ANKRD30BL: variants seen among roughly 807,000 people sequenced by gnomAD.
ANKRD30BL encodes the protein ankyrin repeat domain 30B like.
ANKRD30BL carries 20 observed loss-of-function variants against 18.4 expected under a neutral mutation model. The ratio of observed to expected loss-of-function variants is 1.09; its 90% CI spans 0.77 to 1.58. The LOEUF (loss-of-function observed/expected upper bound fraction) is 1.58, where lower values mean the gene tolerates loss of function less well. Among genes scored for constraint, ANKRD30BL ranks in the 40% most tolerant of loss-of-function variants. ANKRD30BL has a pLI of 0.00. For synonymous variants in ANKRD30BL, 72 were observed against 100.9 expected (o/e 0.71, Z 1.72); for missense variants, 224 against 268.6 (o/e 0.83, Z 1.16).
At chr2:132,232,701 A>G (rs995899541) in intron 1 of ANKRD30BL, among the ~76,000 whole-genome samples, 2 of 152,180 alleles carry the variant, frequency 1.3e-5, no homozygotes, top group African/African-American at 4.8e-5. Flanking sequence ...GACCAAATCT[A>G]CTTCTGATTG....
chr2:132,163,537 C>A (rs926894600), upstream of ANKRD30BL, among the ~76,000 whole-genome samples: 1 of 152,196 alleles, frequency 6.6e-6, no homozygotes, highest in Non-Finnish European at 1.5e-5. Context: ...AACAGAGACT[C>A]TCTCTCAAAA....
chr2:132,247,628 A>C (rs201329553), intron 1 of ANKRD30BL, among the ~76,000 whole-genome samples: 6 of 148,290 alleles, frequency 4.0e-5, no homozygotes, highest in Admixed American at 1.3e-4. Flanking sequence ...TCAGATATAT[A>C]CCACTGCAGA....
rs567204090 is a variant in ANKRD30BL, at chr2:132,192,059, C to G, written n.442-34913G>C. Among the ~76,000 whole-genome samples, 6 of 152,248 alleles carry G rather than the reference C, an allele frequency of 3.9e-5. No individual in the cohort carries two copies. In the East Asian group the frequency reaches 7.7e-4, roughly 20 times the overall value. On this transcript the variant is annotated intron_variant and non_coding_transcript_variant, in intron 1 of 4. Transcript: ENST00000470729. ...ATTTTTTTCTACAGTCCAGTAAAGT[C>G]TTTTGTAAAATTCTTTTTCTTTCTC...
chr2:132,227,687 G>A (rs1439844218), intron 1 of ANKRD30BL, among the ~76,000 whole-genome samples: 8 of 151,902 alleles, frequency 5.3e-5, no homozygotes, highest in East Asian at 3.9e-4. Flanking sequence ...CATTTGTAGC[G>A]CTTTTGGGCC....
chr2:132,207,495 C>A (rs1558932682), intron 1 of ANKRD30BL, among the ~76,000 whole-genome samples: 1 of 152,050 alleles, frequency 6.6e-6, no homozygotes. Context: ...GATTATCGGA[C>A]CAAACCATAA....
chr2:132,221,823 G>C (rs1251623207), intron 1 of ANKRD30BL, among the ~76,000 whole-genome samples: 1 of 122,532 alleles, frequency 8.2e-6, no homozygotes, highest in Admixed American at 7.3e-5. Flanking sequence ...GGAGGTGGGG[G>C]GGTCAGCCCC....
At chr2:132,181,312 A>G (rs1483181911) in intron 1 of ANKRD30BL, among the ~76,000 whole-genome samples, 2 of 152,032 alleles carry the variant, frequency 1.3e-5, no homozygotes, top group Non-Finnish European at 2.9e-5. Flanking sequence ...CGTCTCCATT[A>G]AAAATACAAA....
intron 1 of ANKRD30BL, among the ~76,000 whole-genome samples, chr2:132,201,352 A>C (rs1679093389): frequency 6.6e-6 from 1 of 152,144 alleles, no homozygotes; most frequent in Non-Finnish European, 1.5e-5. Flanking sequence ...ATCAGAGTGA[A>C]CAGGCAACCT....
Position 132,222,915 on chromosome 2 carries a change from G to A in ANKRD30BL, n.441+34614C>T, listed in dbSNP as rs576815584. On this transcript the variant is annotated intron_variant and non_coding_transcript_variant, in intron 1 of 4. Transcript: ENST00000470729. The stretch of plus-strand genomic sequence containing the variant: ...AAGTGAACTTTTGGAGCACTTTGAG[G>A]CCTATGGTGGAAAAGGAAATATGTT... Among the ~76,000 whole-genome samples, 234 of 149,884 alleles carry A rather than the reference G, an allele frequency of 1.6e-3. 1 individual carries two copies. Among genetic ancestry groups the A allele is most frequent in the African/African-American group, 5.4e-3 (221 of 40,798 alleles).
upstream of ANKRD30BL, among the ~76,000 whole-genome samples, chr2:132,163,765 G>T (rs1307355320): frequency 1.3e-5 from 2 of 152,134 alleles, no homozygotes; most frequent in South Asian, 4.1e-4. Flanking sequence ...CACCCCGGAG[G>T]CTACACAATG....
At chr2:132,199,354 G>A (rs567449362) in intron 1 of ANKRD30BL, among the ~76,000 whole-genome samples, 22 of 151,958 alleles carry the variant, frequency 1.4e-4, no homozygotes, top group South Asian at 6.3e-4. Flanking sequence ...GCAAGACTCC[G>A]TCTCAAATAA....
upstream of ANKRD30BL, among the ~76,000 whole-genome samples, chr2:132,164,882 T>TA (rs1356007987): frequency 9.2e-5 from 14 of 151,978 alleles, no homozygotes; most frequent in African/African-American, 3.1e-4. Context: ...CCATCCTGGC[T>TA]ACACGGTGAA....
intron 1 of ANKRD30BL, among the ~76,000 whole-genome samples, chr2:132,200,674 G>A (rs1378760556): frequency 6.6e-6 from 1 of 152,176 alleles, no homozygotes. Context: ...AACATTCCAT[G>A]CTCATGGGTA....
intron 1 of ANKRD30BL, among the ~76,000 whole-genome samples, chr2:132,193,039 C>A (rs1393149585): frequency 6.6e-6 from 1 of 152,152 alleles, no homozygotes; most frequent in African/African-American, 2.4e-5. Context: ...GGAGCAGGCA[C>A]GGAGTGTAAA....
intron 1 of ANKRD30BL, among the ~76,000 whole-genome samples, chr2:132,177,910 T>G (rs1316726933): frequency 6.6e-6 from 1 of 152,242 alleles, no homozygotes; most frequent in African/African-American, 2.4e-5. Context: ...TTGGTTTTTT[T>G]GTTTGTTTTT....
intron 1 of ANKRD30BL, among the ~76,000 whole-genome samples, chr2:132,194,032 TTCTCTCTCTC>T (rs764528052): frequency 1.5e-5 from 2 of 137,844 alleles, no homozygotes; most frequent in South Asian, 2.5e-4. Flanking sequence ...CAGAGATAAT[TTCTCTCTCTC>T]TCTCTCTCTC....
intron 1 of ANKRD30BL, among the ~76,000 whole-genome samples, chr2:132,252,125 T>A (rs1026796525): frequency 4.8e-5 from 6 of 125,048 alleles, no homozygotes; most frequent in Non-Finnish European, 7.4e-5. Flanking sequence ...AAAACTGTAT[T>A]TTTTTTTACA....
chr2:132,257,501 GGC>G (rs1491230452), intron 1 of ANKRD30BL: 10 of 262,498 alleles, frequency 3.8e-5, no homozygotes, highest in Admixed American at 1.6e-4. Flanking sequence ...CGCGGAGGCT[GGC>G]GGAACCCTTG....
At chr2:132,220,164 T>C (rs1487459744) in intron 1 of ANKRD30BL, among the ~76,000 whole-genome samples, 1 of 152,108 alleles carries the variant, frequency 6.6e-6, no homozygotes, top group Non-Finnish European at 1.5e-5. Flanking sequence ...GAAATGGGAA[T>C]ATCCTTATAT....
Sources: allele counts gnomAD v4.1 joint callset (sites outside exome capture counted in the v4.1 genomes callset), GRCh38; gene constraint gnomAD v4.1.1; transcripts MANE v1.5; gene names NCBI Gene and HGNC (gene_info 2026-07-23, HGNC 2026-07-21).